Variants in WTAP observed in about 807,000 individuals in gnomAD.
WTAP encodes the protein pre-mRNA-splicing regulator WTAP.
A neutral mutation model predicts 50.0 loss-of-function variants in WTAP; 8 were observed. The ratio of observed to expected loss-of-function variants is 0.16; its 90% CI spans 0.09 to 0.29. The LOEUF (loss-of-function observed/expected upper bound fraction) is 0.29. WTAP is among the 10% of genes least tolerant of loss of function. The pLI is 1.00. For synonymous variants in WTAP, 194 were observed against 169.0 expected (o/e 1.15, Z -1.15); for missense variants, 295 against 470.7 (o/e 0.63, Z 3.45).
chr6:159,742,133 C>T lies in WTAP; in HGVS notation c.132C>T (p.Tyr44=), dbSNP rs770351180. The T allele has an allele frequency of 1.2e-6, 2 of 1,607,058 alleles. No homozygotes were observed. Among genetic ancestry groups the T allele is most frequent in the Non-Finnish European group, 1.7e-6 (2 of 1,178,032 alleles). ...EAYVQALEGK[Y]TDLNSNDVTG... is the part of the protein sequence containing the mutation. ...ATGTACAAGCTTTGGAGGGCAAGTA[C>T]ACAGATCTTAACTGTAAGTTTGAGT... Residue 44 remains tyrosine, a synonymous_variant, in exon 4 of 8, where the codon TAC becomes TAT. Transcript: ENST00000621533.
At chr6:159,727,803 G>A in intron 1 of WTAP, 100 bp downstream of exon 1, 2 of 861,580 alleles carry the variant, frequency 2.3e-6, no homozygotes, top group Non-Finnish European at 2.8e-6. Flanking sequence ...GGCAGGGCCC[G>A]AAAGGCCACA....
Position 159,736,273 on chromosome 6 carries a change from A to G in WTAP, c.8A>G (p.Asn3Ser). 6.2e-7 allele frequency: 1 copy of G among 1,604,938 alleles called. No individual in the cohort carries two copies. The highest frequency in any genetic ancestry group is 8.5e-7 in the Non-Finnish European group (1 of 1,175,236). The change falls in exon 2 of 8, where the codon AAC becomes AGC. Residue 3 changes from asparagine to serine, a missense_variant. This residue lies in a region of WTAP where 120 missense variants were observed against 287.6 expected (regional missense o/e 0.42). Coordinates refer to ENST00000621533, the MANE Select transcript of WTAP (RefSeq NM_001270531.2). MT[N>S]EEPLPKKVRL... The stretch of plus-strand genomic sequence containing the variant: ...TTTTTTTTAGGATTCAAGATGACCA[A>G]CGAAGAACCTCTTCCCAAGAAGGTA...
At chr6:159,730,969 GAAAA>G (rs1431887467) in intron 1 of WTAP, 1 of 147,748 alleles carries the variant, frequency 6.8e-6, no homozygotes, top group East Asian at 2.0e-4. Flanking sequence ...GTCTCTACTA[GAAAA>G]AAAAAAGAAA....
At chr6:159,737,606 C>T (rs1377620397) in intron 2 of WTAP, among the ~76,000 whole-genome samples, 1 of 152,028 alleles carries the variant, frequency 6.6e-6, no homozygotes, top group African/African-American at 2.4e-5. Flanking sequence ...ATCCTCCCAC[C>T]TTTGCCCCCC....
Position 159,727,631 on chromosome 6 carries a change from C to T in WTAP, c.-81C>T. The stretch of plus-strand genomic sequence containing the variant: ...CCGGCTGCGCGGTGGCCCGGGGGGC[C>T]CGGGCGGCAGGGCAAGCAGCGCGGC... On this transcript the variant is annotated 5_prime_UTR_variant, in exon 1 of 8. Coordinates refer to ENST00000621533, the MANE Select transcript of WTAP (RefSeq NM_001270531.2). 1 of 985,914 alleles carries T rather than the reference C, an allele frequency of 1.0e-6. No individual in the cohort carries two copies. Among genetic ancestry groups the T allele is most frequent in the Non-Finnish European group, 1.2e-6 (1 of 830,546 alleles). The allele number at this position is 985,914 out of a possible 1,614,324, so 61.1% of individuals were successfully genotyped here. A position where few individuals can be genotyped will look rare whatever the true frequency, so the allele number is the denominator to read the frequency against.
rs775364275 is a variant in WTAP, at chr6:159,753,592, G to C, written c.585G>C (p.Glu195Asp). 1 of 1,613,488 alleles carries C rather than the reference G, an allele frequency of 6.2e-7. No homozygotes were observed. Among genetic ancestry groups the C allele is most frequent in the Non-Finnish European group, 8.5e-7 (1 of 1,179,620 alleles). ...TGGCTTTACAGAAGAAATACAGTGA[G>C]GAGCTTAAAAGCAGTCAGGATGGTA... The part of the protein sequence containing the change: ...AELALQKKYS[E>D]ELKSSQDELN... Residue 195 changes from glutamate (E) to aspartate (D), a missense_variant, in exon 7 of 8, where the codon GAG (glutamate) becomes GAC (aspartate). Transcript: ENST00000621533.
Position 159,755,137 on chromosome 6 carries a change from C to A in WTAP, c.717C>A (p.Tyr239Ter). 1 of 1,614,118 alleles carries A rather than the reference C, an allele frequency of 6.2e-7. No individual in the cohort carries two copies. Among genetic ancestry groups the A allele is most frequent in the Non-Finnish European group, 8.5e-7 (1 of 1,180,016 alleles). Residue 239 changes from tyrosine (Y) to a stop codon, truncating the protein, a stop_gained, in exon 8 of 8, where the codon TAC becomes TAA. Transcript: ENST00000621533. LOFTEE classifies it high-confidence loss of function. ...AGACACGCCAGCAGTTGGCTCAGTA[C>A]CAGCAGCAGCAGTCTCAGGCCTCTG... ...LKETRQQLAQ[Y>*]QQQQSQASAP...
At chr6:159,727,480 G>A, upstream of WTAP, 3 of 994,226 alleles carry the variant, frequency 3.0e-6, no homozygotes, top group Non-Finnish European at 3.6e-6. Context: ...GCGGCGGGGC[G>A]GGGCCGGGCG....
In WTAP at chr6:159,727,574, T is replaced by TAGGAGCGCGGCGGGGCC. The variant is rs1778267905; in HGVS notation, c.-137_-121dup. On this transcript the variant is annotated 5_prime_UTR_variant, in exon 1 of 8. Transcript: ENST00000621533. ...GGGAGCGCAGGGGTTGCGGCGGGAC[T>TAGGAGCGCGGCGGGGCC]AGGAGCGCGGCGGGGCCGGCGGCAG... The TAGGAGCGCGGCGGGGCC allele has an allele frequency of 1.0e-5, 10 of 986,952 alleles. No homozygotes were observed. The highest frequency in any genetic ancestry group is 9.1e-5 in the South Asian group (2 of 22,010). The allele number at this position is 986,952 out of a possible 1,614,324, so 61.1% of individuals were successfully genotyped here.
Position 159,755,544 on chromosome 6 carries a change from C to G in WTAP, c.1124C>G (p.Thr375Ser). ...GCAGTGAGTGGGAAAGGTAATCGAA[C>G]TGTGGGTTCCCGCCACGTTCAGAAT... ...EKAVSGKGNR[T>S]VGSRHVQNGL... is the part of the protein sequence containing the mutation. Residue 375 changes from threonine to serine, a missense_variant, in exon 8 of 8, where the codon ACT becomes AGT. By Grantham distance (58) the Thr-to-Ser change is moderately conservative (BLOSUM62 1). This residue lies in a region of WTAP where 175 missense variants were observed against 183.1 expected (regional missense o/e 0.96). Coordinates refer to ENST00000621533, the MANE Select transcript of WTAP (RefSeq NM_001270531.2). The G allele has an allele frequency of 6.2e-7, 1 of 1,614,140 alleles. No homozygotes were observed. The highest frequency in any genetic ancestry group is 1.7e-5 in the Admixed American group (1 of 60,032).
chr6:159,734,110 G>A (rs1778757557), intron 1 of WTAP, among the ~76,000 whole-genome samples: 2 of 152,192 alleles, frequency 1.3e-5, no homozygotes, highest in Non-Finnish European at 2.9e-5. Context: ...GCTGTTGGAA[G>A]ATTATCTCCT....
intron 7 of WTAP, among the ~76,000 whole-genome samples, chr6:159,754,531 C>G (rs1043769248): frequency 6.6e-6 from 1 of 152,150 alleles, no homozygotes; most frequent in African/African-American, 2.4e-5. Context: ...CAGTTGCCCT[C>G]GGTATCCATG....
rs772952307 is a variant in WTAP, at chr6:159,742,183, TCTC to T, written c.145+40_145+42del. 45 of 1,495,068 alleles carry T rather than the reference TCTC, an allele frequency of 3.0e-5. No individual in the cohort carries two copies. The East Asian group carries it at 7.7e-4, about 26-fold the overall frequency. The allele number at this position is 1,495,068 out of a possible 1,614,324, so 92.6% of individuals were successfully genotyped here. A position where few individuals can be genotyped will look rare whatever the true frequency, so the allele number is the denominator to read the frequency against. On this transcript the variant is annotated intron_variant, in intron 4 of 7. Transcript: ENST00000621533. ...TTTTAGCTTCCTAAAGACTGAATAA[TCTC>T]CTTTTGATTGTTAAAATCAAAAGGA...
At chr6:159,754,609 C>T (rs1008559893) in intron 7 of WTAP, among the ~76,000 whole-genome samples, 3 of 152,174 alleles carry the variant, frequency 2.0e-5, no homozygotes, top group African/African-American at 7.2e-5. Context: ...TACATATAAA[C>T]CTATGTACAT....
chr6:159,742,360 T>C (rs1027944587), intron 4 of WTAP, among the ~76,000 whole-genome samples: 2 of 152,198 alleles, frequency 1.3e-5, no homozygotes, highest in Non-Finnish European at 2.9e-5. Context: ...AGTCATGTAA[T>C]GGCATGACTT....
chr6:159,746,322 C>A (rs1470454544), intron 5 of WTAP, among the ~76,000 whole-genome samples: 1 of 152,026 alleles, frequency 6.6e-6, no homozygotes, highest in African/African-American at 2.4e-5. Context: ...AAGGATTGGC[C>A]CTGAGAAGGA....
At chr6:159,731,897 A>G (rs767058065) in intron 1 of WTAP, among the ~76,000 whole-genome samples, 25 of 152,176 alleles carry the variant, frequency 1.6e-4, no homozygotes, top group Admixed American at 3.9e-4. Flanking sequence ...TTAAAAACAG[A>G]TTATCATCTC....
chr6:159,754,330 G>GGGCCTCTTTGGAGT (rs1351880431), intron 7 of WTAP, among the ~76,000 whole-genome samples: 1 of 152,136 alleles, frequency 6.6e-6, no homozygotes, highest in Non-Finnish European at 1.5e-5. Context: ...TTGAGAACAT[G>GGGCCTCTTTGGAGT]GGCCTCTTTG....
At chr6:159,737,082 C>G (rs1014973892) in intron 2 of WTAP, among the ~76,000 whole-genome samples, 1 of 152,196 alleles carries the variant, frequency 6.6e-6, no homozygotes, top group Non-Finnish European at 1.5e-5. Flanking sequence ...GGGTCTTGCT[C>G]TCTTGCCCAG....
Sources: allele counts gnomAD v4.1 joint callset (sites outside exome capture counted in the v4.1 genomes callset), GRCh38; gene constraint gnomAD v4.1.1; regional missense constraint gnomAD v4.1.1; transcripts MANE v1.5; gene names NCBI Gene and HGNC (gene_info 2026-07-23, HGNC 2026-07-21).